Variants in FKBP4 observed in about 807,000 individuals in gnomAD.
The protein encoded by FKBP4 is peptidyl-prolyl cis-trans isomerase FKBP4.
A neutral mutation model predicts 54.1 loss-of-function variants in FKBP4; 28 were observed. The ratio of observed to expected loss-of-function variants is 0.52; its 90% CI spans 0.38 to 0.71. The LOEUF is 0.71. FKBP4 is among the 30% of genes least tolerant of loss of function. FKBP4 has a pLI of 0.00. For synonymous variants in FKBP4, 223 were observed against 216.1 expected (o/e 1.03, Z -0.28); for missense variants, 493 against 574.4 (o/e 0.86, Z 1.45).
intron 9 of FKBP4, among the ~76,000 whole-genome samples, chr12:2,802,853 G>A (rs1489478790): frequency 1.3e-5 from 2 of 152,064 alleles, no homozygotes; most frequent in African/African-American, 4.8e-5. Context: ...TCAGCCTCCC[G>A]AGTAGCTGGG....
At position 2,795,902 on chromosome 12, in the gene FKBP4, CGCGGGGCATGCCGGGA is replaced by C; in HGVS notation, c.105+661_105+676del. On this transcript the variant is annotated intron_variant, in intron 1 of 9. Coordinates refer to ENST00000001008, the MANE Select transcript of FKBP4 (RefSeq NM_002014.4). The surrounding 1 kb of genome is among the most constrained non-coding windows in gnomAD (Gnocchi z 4.3). ...CTCCCTCGGCCCCGGGGAGGCCGGG[CGCGGGGCATGCCGGGA>C]GCTGTAGTCCCCTCCCCCCTCCGCC... The C allele has an allele frequency of 1.0e-6, 1 of 975,340 alleles. No individual in the cohort carries two copies. Among genetic ancestry groups the C allele is most frequent in the South Asian group, 4.5e-5 (1 of 22,352 alleles). 60.4% of individuals were successfully genotyped at this position (975,340 alleles called of 1,614,324 possible). A position where few individuals can be genotyped will look rare whatever the true frequency, so the allele number is the denominator to read the frequency against.
At position 2,798,833 on chromosome 12, in the gene FKBP4, C is replaced by T. The variant is rs1328275630; in HGVS notation, c.514+7C>T. 6 of 1,613,766 alleles carry T rather than the reference C, an allele frequency of 3.7e-6. No homozygotes were observed. Among genetic ancestry groups the T allele is most frequent in the South Asian group, 1.1e-5 (1 of 91,080 alleles). ...GAGGGTGCTATCGTGGAGGGTGAGA[C>T]AGTACAGTCTGGGCTTTCAATTCTC... On this transcript the variant is annotated splice_region_variant and intron_variant, in intron 4 of 9. Coordinates refer to ENST00000001008, the MANE Select transcript of FKBP4 (RefSeq NM_002014.4). This position sits in a 1 kb window ranked among gnomAD's most constrained non-coding sequence, Gnocchi z 4.3.
At position 2,795,867 on chromosome 12, in the gene FKBP4, G is replaced by T; in HGVS notation, c.105+623G>T. 1 of 817,068 alleles carries T rather than the reference G, an allele frequency of 1.2e-6. No homozygotes were observed. 50.6% of individuals were successfully genotyped at this position (817,068 alleles called of 1,614,324 possible). The stretch of plus-strand genomic sequence containing the variant: ...ACCCAGCGAGGTCCCCACTCGCCGC[G>T]CGGCGCCCCCTCCCTCGGCCCCGGG... On this transcript the variant is annotated intron_variant, in intron 1 of 9. Transcript: ENST00000001008. This position sits in a 1 kb window ranked among gnomAD's most constrained non-coding sequence, Gnocchi z 4.3.
chr12:2,800,589 T>G lies in FKBP4; in HGVS notation c.1032+12T>G. ...AAAGCTGTAACAAGGTGAGGCCCCCTCAGAGGTCATGGAAGCAGCATTCAC... is the reference window on the plus strand; with the variant it reads ...AAAGCTGTAACAAGGTGAGGCCCCCGCAGAGGTCATGGAAGCAGCATTCAC... On this transcript the variant is annotated intron_variant, in intron 8 of 9. Coordinates refer to ENST00000001008, the MANE Select transcript of FKBP4 (RefSeq NM_002014.4). 6.3e-7 allele frequency: 1 copy of G among 1,591,202 alleles called. No homozygotes were observed. Among genetic ancestry groups the G allele is most frequent in the Non-Finnish European group, 8.5e-7 (1 of 1,170,574 alleles).
chr12:2,799,710 G>A (rs2097903701), intron 5 of FKBP4, 140 bp from the exon 6 acceptor site: 1 of 713,080 alleles, frequency 1.4e-6, no homozygotes, highest in Non-Finnish European at 2.5e-6. Context: ...GTGTGAAGAG[G>A]CCAGGGAAGA....
chr12:2,798,859 A>C lies in FKBP4; in HGVS notation c.514+33A>C, dbSNP rs1021220638. 2.6e-5 allele frequency: 42 copies of C among 1,605,716 alleles called. No homozygotes were observed. Among genetic ancestry groups the C allele is most frequent in the African/African-American group, 1.1e-4 (8 of 74,734 alleles). The stretch of plus-strand genomic sequence containing the variant: ...AGTACAGTCTGGGCTTTCAATTCTC[A>C]TTCTGATATTTAGGCCTTGTGTGGC... On this transcript the variant is annotated intron_variant, in intron 4 of 9. Transcript: ENST00000001008. The surrounding 1 kb of genome is among the most constrained non-coding windows in gnomAD (Gnocchi z 4.3).
In FKBP4 at chr12:2,799,091, C is replaced by T; in HGVS notation, c.518C>T (p.Ala173Val). The T allele has an allele frequency of 6.5e-7, 1 of 1,532,846 alleles. No individual in the cohort carries two copies. Among genetic ancestry groups the T allele is most frequent in the Non-Finnish European group, 8.8e-7 (1 of 1,142,232 alleles). The allele number at this position is 1,532,846 out of a possible 1,614,324, so 95.0% of individuals were successfully genotyped here. A position where few individuals can be genotyped will look rare whatever the true frequency, so the allele number is the denominator to read the frequency against. ...CACTGCCTCTCTTTCATGCCAGTTG[C>T]ACTGGAAGGGTACTACAAGGACAAG... ...KPNEGAIVEVALEGYYKDKLF... is the reference protein window; with the variant it reads ...KPNEGAIVEVVLEGYYKDKLF... Residue 173 changes from alanine to valine, a missense_variant, in exon 5 of 10, where the codon GCA (alanine) becomes GTA (valine). By Grantham distance (64) the Ala-to-Val change is moderately conservative. Transcript: ENST00000001008.
At position 2,798,602 on chromosome 12, in the gene FKBP4, G is replaced by C. The variant is rs2097903125; in HGVS notation, c.394-104G>C. 1.3e-6 allele frequency: 2 copies of C among 1,578,118 alleles called. No homozygotes were observed. The highest frequency in any genetic ancestry group is 1.7e-5 in the Admixed American group (1 of 58,974). ...CTCCTTGTGACTGCCCTTGTGGTCA[G>C]ATCCGGCCTGGCAGTTAGTAGGGAC... On this transcript the variant is annotated intron_variant, in intron 3 of 9. Transcript: ENST00000001008. The surrounding 1 kb of genome is among the most constrained non-coding windows in gnomAD (Gnocchi z 4.3).
At chr12:2,802,133 GTTTTA>G (rs1399091074) in intron 9 of FKBP4, among the ~76,000 whole-genome samples, 1 of 152,020 alleles carries the variant, frequency 6.6e-6, no homozygotes, top group Non-Finnish European at 1.5e-5. Context: ...TCTTCCAGTG[GTTTTA>G]TTTTTTTTCT....
chr12:2,797,981 G>T, intron 3 of FKBP4, 110 bp downstream of exon 3: 1 of 1,374,162 alleles, frequency 7.3e-7, no homozygotes, highest in South Asian at 1.4e-5. Context: ...AGCCAAGGCT[G>T]AGGGTCTGGC....
At position 2,803,861 on chromosome 12, in the gene FKBP4, C is replaced by G. The variant is rs1043823881; in HGVS notation, c.*603C>G. ...CGGCCAGGTTGTGTCCCAAAATCCCCTCAGCCTCTTCTCTGCACGTTGCTG... is the reference window on the plus strand; with the variant it reads ...CGGCCAGGTTGTGTCCCAAAATCCCGTCAGCCTCTTCTCTGCACGTTGCTG... On this transcript the variant is annotated 3_prime_UTR_variant, in exon 10 of 10. Transcript: ENST00000001008. The G allele has an allele frequency of 6.5e-6, 1 of 153,516 alleles. No homozygotes were observed. Among genetic ancestry groups the G allele is most frequent in the African/African-American group, 2.4e-5 (1 of 41,464 alleles). 9.5% of individuals were successfully genotyped at this position (153,516 alleles called of 1,614,324 possible). A position where few individuals can be genotyped will look rare whatever the true frequency, so the allele number is the denominator to read the frequency against.
chr12:2,799,129 C>T lies in FKBP4; in HGVS notation c.556C>T (p.Arg186Trp), dbSNP rs780740336. Reference sequence around the variant, plus strand: ...CTACAAGGACAAGCTCTTTGACCAGCGGGAGCTCCGCTTTGAGATTGGCGA... The same window carrying T: ...CTACAAGGACAAGCTCTTTGACCAGTGGGAGCTCCGCTTTGAGATTGGCGA... The part of the protein sequence containing the change: ...GYYKDKLFDQ[R>W]ELRFEIGEGE... Residue 186 changes from arginine (R) to tryptophan (W), a missense_variant, in exon 5 of 10, where the codon CGG becomes TGG. Coordinates refer to ENST00000001008, the MANE Select transcript of FKBP4 (RefSeq NM_002014.4). The T allele has an allele frequency of 2.5e-6, 4 of 1,574,216 alleles. No homozygotes were observed. Among genetic ancestry groups the T allele is most frequent in the Admixed American group, 1.9e-5 (1 of 51,898 alleles).
chr12:2,796,080 C>T (rs1356658368), intron 1 of FKBP4: 4 of 1,188,940 alleles, frequency 3.4e-6, no homozygotes, highest in East Asian at 5.9e-5. Context: ...CCAGGACAAC[C>T]TGCCTTGGGT....
rs374303706 is a variant in FKBP4, at chr12:2,801,383, G to C, written c.1272+27G>C. The C allele has an allele frequency of 5.8e-4, 934 of 1,611,572 alleles. 13 individuals are homozygous for C. In the South Asian group the frequency reaches 9.4e-3, roughly 16 times the overall value. On this transcript the variant is annotated intron_variant, in intron 9 of 9. Transcript: ENST00000001008. The stretch of plus-strand genomic sequence containing the variant: ...TGAGGATTGGGGTGGGGAACAGTTG[G>C]AATAGCATCCCTCCACTTAACCTGG...
chr12:2,801,998 C>CACGTAATAGTAGCTGGAGGCTTATTTT (rs2153920546), intron 9 of FKBP4, among the ~76,000 whole-genome samples: 1 of 152,210 alleles, frequency 6.6e-6, no homozygotes, highest in African/African-American at 2.4e-5. Context: ...ATGCTTTTTT[C>CACGTAATAGTAGCTGGAGGCTTATTTT]ACGTAATAGT....
chr12:2,797,529 C>G (rs1181639979), intron 2 of FKBP4, among the ~76,000 whole-genome samples, 200 bp from the exon 3 acceptor site: 1 of 151,822 alleles, frequency 6.6e-6, no homozygotes, highest in African/African-American at 2.4e-5. Context: ...ATCTTAAACT[C>G]TTTTGTTCAG....
intron 2 of FKBP4, 47 bp from the exon 3 acceptor site, chr12:2,797,682 G>A (rs1433390925): frequency 6.4e-6 from 10 of 1,569,730 alleles, no homozygotes; most frequent in Non-Finnish European, 7.8e-6. Flanking sequence ...TTTGAGCCCA[G>A]AATCAGAACC....
At chr12:2,796,446 T>G in intron 1 of FKBP4, 1 of 1,256,912 alleles carries the variant, frequency 8.0e-7, no homozygotes, top group Non-Finnish European at 1.0e-6. Flanking sequence ...CTATTCTTCG[T>G]GGAAGCTTTC....
At position 2,800,460 on chromosome 12, in the gene FKBP4, T is replaced by C; in HGVS notation, c.915T>C (p.Ser305=). 1.2e-6 allele frequency: 2 copies of C among 1,614,092 alleles called. No homozygotes were observed. The highest frequency in any genetic ancestry group is 1.7e-6 in the Non-Finnish European group (2 of 1,180,000). ...KIVSWLEYES[S]FSNEEAQKAQ... ...TGTCTTGGCTGGAATATGAGTCTAG[T>C]TTTTCCAATGAGGAAGCACAGAAAG... The change falls in exon 8 of 10, where the codon AGT becomes AGC. Residue 305 remains serine, a synonymous_variant. Transcript: ENST00000001008.
Sources: gnomAD v4.1 joint callset for allele counts (sites outside exome capture counted in the v4.1 genomes callset) on GRCh38, gnomAD v4.1.1 for gene constraint, Gnocchi (gnomAD v3.1) non-coding constraint, MANE v1.5 for transcripts, NCBI Gene and HGNC (gene_info 2026-07-23, HGNC 2026-07-21) for gene names.